UHRF2: variants seen among roughly 807,000 people sequenced by gnomAD.
UHRF2 encodes the protein E3 ubiquitin-protein ligase UHRF2.
UHRF2 carries 23 observed loss-of-function variants against 96.8 expected under a neutral mutation model. That is an observed-to-expected ratio of 0.24 (90% CI 0.17 to 0.34). The LOEUF is 0.34. Among genes scored for constraint, UHRF2 ranks in the 10% least tolerant of loss-of-function variants. The pLI, the probability that UHRF2 is intolerant of heterozygous loss-of-function variation, is 1.00. For synonymous variants in UHRF2, 385 were observed against 332.6 expected (o/e 1.16, Z -1.72); for missense variants, 685 against 981.5 (o/e 0.70, Z 4.04).
intron 3 of UHRF2, chr9:6,449,377 A>G (rs1821714286): frequency 1.3e-5 from 2 of 152,212 alleles, no homozygotes; most frequent in African/African-American, 4.8e-5. Context: ...GTTGAACAGC[A>G]CTCAGGCTTT....
At position 6,506,136 on chromosome 9, in the gene UHRF2, C is replaced by G. The variant is rs750125114; in HGVS notation, c.2366C>G (p.Thr789Ser). The part of the protein sequence containing the change: ...YIMIPNEILQ[T>S]LLDLFFPGYS... ...ATGATTCCCAATGAGATTCTGCAGA[C>G]TCTACTTGACCTTTTCTTCCCTGGC... The change falls in exon 16 of 16, where the codon ACT (threonine) becomes AGT (serine). Residue 789 changes from threonine (T) to serine (S), a missense_variant. Around this residue, in one of 6 missense-constraint regions of UHRF2, gnomAD observed 71 missense variants for 114.1 expected, o/e 0.62. Coordinates refer to ENST00000276893, the MANE Select transcript of UHRF2 (RefSeq NM_152896.3). 2 of 1,614,064 alleles carry G rather than the reference C, an allele frequency of 1.2e-6. No individual in the cohort carries two copies. The highest frequency in any genetic ancestry group is 2.2e-5 in the East Asian group (1 of 44,892).
chr9:6,466,862 T>G (rs1229521401), intron 4 of UHRF2, among the ~76,000 whole-genome samples: 1 of 152,238 alleles, frequency 6.6e-6, no homozygotes, highest in African/African-American at 2.4e-5. Context: ...GTCTCTTATT[T>G]CAGTTCTCTG....
At chr9:6,425,122 G>T (rs1820172551) in intron 2 of UHRF2, among the ~76,000 whole-genome samples, 1 of 152,160 alleles carries the variant, frequency 6.6e-6, no homozygotes, top group African/African-American at 2.4e-5. Context: ...TCACTGTACA[G>T]TCCACACTTA....
At chr9:6,417,756 G>A (rs1425633199) in intron 1 of UHRF2, among the ~76,000 whole-genome samples, 1 of 152,162 alleles carries the variant, frequency 6.6e-6, no homozygotes, top group Admixed American at 6.5e-5. Flanking sequence ...GTCTCATGCC[G>A]TGATATGCTT....
At chr9:6,414,439 C>T (rs1453276828) in intron 1 of UHRF2, among the ~76,000 whole-genome samples, 2 of 152,244 alleles carry the variant, frequency 1.3e-5, no homozygotes, top group African/African-American at 4.8e-5. Context: ...AGCACTGCAG[C>T]ATAGCCAGCG....
At chr9:6,458,606 G>A (rs201093090) in intron 3 of UHRF2, among the ~76,000 whole-genome samples, 4 of 152,048 alleles carry the variant, frequency 2.6e-5, no homozygotes, top group African/African-American at 7.2e-5. Context: ...AAATAGGAAC[G>A]CTTTTATACT....
At chr9:6,481,863 C>CATTATTTGTTAATATCAA in intron 7 of UHRF2, 97 bp downstream of exon 7, 1 of 1,538,304 alleles carries the variant, frequency 6.5e-7, no homozygotes, top group South Asian at 1.3e-5. Flanking sequence ...TAAACAGTAT[C>CATTATTTGTTAATATCAA]ATTATTTGTT....
chr9:6,500,987 A>T (rs932183980), intron 14 of UHRF2, among the ~76,000 whole-genome samples: 1 of 152,220 alleles, frequency 6.6e-6, no homozygotes, highest in Middle Eastern at 3.2e-3. Flanking sequence ...TTTGTGAAAC[A>T]TCGTCATTTT....
At chr9:6,467,313 C>T (rs1235063034) in intron 4 of UHRF2, among the ~76,000 whole-genome samples, 1 of 152,168 alleles carries the variant, frequency 6.6e-6, no homozygotes, top group East Asian at 1.9e-4. Context: ...TTCATATTCT[C>T]TCCTCTGCCT....
At chr9:6,458,965 G>A (rs772056381) in intron 3 of UHRF2, among the ~76,000 whole-genome samples, 42 of 152,058 alleles carry the variant, frequency 2.8e-4, no homozygotes, top group Non-Finnish European at 5.9e-4. Flanking sequence ...ACTAACACAG[G>A]AACAGAAAAC....
intron 2 of UHRF2, among the ~76,000 whole-genome samples, chr9:6,433,079 C>T (rs750458552): frequency 1.1e-4 from 16 of 152,256 alleles, no homozygotes; most frequent in South Asian, 4.2e-4. Context: ...GTGATCTGCC[C>T]CTGCCTTGGC....
chr9:6,479,597 A>G (rs182418775), intron 6 of UHRF2, among the ~76,000 whole-genome samples: 3 of 152,302 alleles, frequency 2.0e-5, no homozygotes, highest in Admixed American at 1.3e-4. Context: ...ATGTCTTCAT[A>G]TCTAATTTCC....
chr9:6,427,260 G>A (rs975028263), intron 2 of UHRF2, among the ~76,000 whole-genome samples: 1 of 152,082 alleles, frequency 6.6e-6, no homozygotes, highest in African/African-American at 2.4e-5. Flanking sequence ...CTTTATGGAT[G>A]AGCAAACATT....
intron 3 of UHRF2, among the ~76,000 whole-genome samples, chr9:6,435,383 T>C (rs564525414): frequency 6.6e-6 from 1 of 152,158 alleles, no homozygotes; most frequent in East Asian, 1.9e-4. Flanking sequence ...ACCTCAGCCT[T>C]CCTGAGTGCT....
chr9:6,453,722 G>A (rs1456477671), intron 3 of UHRF2, among the ~76,000 whole-genome samples: 4 of 152,196 alleles, frequency 2.6e-5, no homozygotes, highest in Non-Finnish European at 5.9e-5. Context: ...GGCTAACATG[G>A]TGAAACCCCG....
At chr9:6,484,434 T>TCTTCCCTCCTCCCTCCTCCCC (rs1824131003) in intron 8 of UHRF2, among the ~76,000 whole-genome samples, 1 of 128,924 alleles carries the variant, frequency 7.8e-6, no homozygotes, top group Non-Finnish European at 1.6e-5. Flanking sequence ...CCCTCCTGTC[T>TCTTCCCTCCTCCCTCCTCCCC]CTTCCCTCCT....
intron 8 of UHRF2, among the ~76,000 whole-genome samples, chr9:6,486,117 C>G (rs188460338): frequency 8.3e-4 from 126 of 152,242 alleles, no homozygotes; most frequent in Admixed American, 4.2e-3. Flanking sequence ...GGGTTTGATA[C>G]TGTGTGACCA....
intron 2 of UHRF2, among the ~76,000 whole-genome samples, chr9:6,427,906 G>T (rs536391142): frequency 6.6e-6 from 1 of 152,290 alleles, no homozygotes; most frequent in Admixed American, 6.5e-5. Context: ...ATCACACTGG[G>T]TCTAGATTGG....
At position 6,506,232 on chromosome 9, in the gene UHRF2, C is replaced by T. The variant is rs1383894020; in HGVS notation, c.*53C>T. 1 of 1,599,830 alleles carries T rather than the reference C, an allele frequency of 6.3e-7. No homozygotes were observed. The highest frequency in any genetic ancestry group is 8.5e-7 in the Non-Finnish European group (1 of 1,171,580). On this transcript the variant is annotated 3_prime_UTR_variant, in exon 16 of 16. Transcript: ENST00000276893. The stretch of plus-strand genomic sequence containing the variant: ...GGTGGCTTTTTGGACAATAAAGAAT[C>T]TAAAATGGGTGGGGAGGGTGGAAGA...
Sources: allele counts gnomAD v4.1 joint callset (sites outside exome capture counted in the v4.1 genomes callset), GRCh38; gene constraint gnomAD v4.1.1; regional missense constraint gnomAD v4.1.1; transcripts MANE v1.5; gene names NCBI Gene and HGNC (gene_info 2026-07-23, HGNC 2026-07-21).